Variants in IQCM observed in about 807,000 individuals in gnomAD.
The protein encoded by IQCM is IQ motif containing M.
Under a neutral mutation model 57.6 loss-of-function variants are expected in IQCM, and 45 were observed. That is an observed-to-expected ratio of 0.78 (90% CI 0.62 to 1.00). The LOEUF is 1.00. Ranked by LOEUF, IQCM falls within the 50% of genes least tolerant of loss-of-function variation. IQCM has a pLI of 0.00. For synonymous variants in IQCM, 148 were observed against 158.9 expected (o/e 0.93, Z 0.51); for missense variants, 468 against 511.6 (o/e 0.91, Z 0.82).
intron 8 of IQCM, among the ~76,000 whole-genome samples, chr4:149,608,553 C>T (rs1754996135): frequency 6.6e-6 from 1 of 151,708 alleles, no homozygotes; most frequent in Non-Finnish European, 1.5e-5. Flanking sequence ...ACATTGAAAT[C>T]ATATGAAGTA....
intron 13 of IQCM, among the ~76,000 whole-genome samples, chr4:149,422,070 T>A (rs1416027028): frequency 1.3e-5 from 2 of 151,820 alleles, no homozygotes; most frequent in Admixed American, 6.6e-5. Flanking sequence ...GAAAACATCT[T>A]CACTTCACTA....
intron 13 of IQCM, among the ~76,000 whole-genome samples, chr4:149,363,000 C>A (rs1220447774): frequency 2.0e-5 from 3 of 152,326 alleles, no homozygotes; most frequent in Admixed American, 6.5e-5. Context: ...CCACTCTCTT[C>A]TTCCTCACCT....
intron 13 of IQCM, among the ~76,000 whole-genome samples, chr4:149,357,560 T>C (rs1578777912): frequency 6.6e-6 from 1 of 152,222 alleles, no homozygotes; most frequent in East Asian, 1.9e-4. Flanking sequence ...TTGATTTTCA[T>C]GTGTTGAACC....
At chr4:149,554,157 G>A (rs1169667161) in intron 10 of IQCM, among the ~76,000 whole-genome samples, 1 of 152,024 alleles carries the variant, frequency 6.6e-6, no homozygotes, top group Non-Finnish European at 1.5e-5. Flanking sequence ...TTTTCGCTGA[G>A]TTGGCTTTCC....
chr4:149,592,537 C>T (rs1753301485), intron 8 of IQCM, among the ~76,000 whole-genome samples: 1 of 151,882 alleles, frequency 6.6e-6, no homozygotes, highest in Admixed American at 6.6e-5. Context: ...TTGCCCATGC[C>T]TATGTCCTGA....
chr4:149,708,231 T>C (rs1421150463), intron 5 of IQCM, among the ~76,000 whole-genome samples: 2 of 152,042 alleles, frequency 1.3e-5, no homozygotes, highest in Non-Finnish European at 2.9e-5. Context: ...AGCAAGTTAT[T>C]GTAATGTTAT....
At chr4:149,676,208 AG>A (rs1761736499) in intron 7 of IQCM, among the ~76,000 whole-genome samples, 1 of 152,028 alleles carries the variant, frequency 6.6e-6, no homozygotes, top group Non-Finnish European at 1.5e-5. Context: ...CAGTGACAAT[AG>A]CAAAAATAGC....
At position 149,815,342 on chromosome 4, in the gene IQCM, C is replaced by G. The variant is rs2150075467; in HGVS notation, c.-80G>C. The G allele has an allele frequency of 6.6e-6, 1 of 151,998 alleles. No individual in the cohort carries two copies. Among genetic ancestry groups the G allele is most frequent in the African/African-American group, 2.4e-5 (1 of 41,520 alleles). The allele number at this position is 151,998 out of a possible 1,614,324, so 9.4% of individuals were successfully genotyped here. On this transcript the variant is annotated 5_prime_UTR_variant, in exon 2 of 14. Coordinates refer to ENST00000636793, the MANE Select transcript of IQCM (RefSeq NM_001363507.2). Reference sequence around the variant, plus strand: ...GTTTTTCATTCCAAGGTCATTTGTTCTTCTTCCTAGAAGGCACAGGAGAGT... The same window carrying G: ...GTTTTTCATTCCAAGGTCATTTGTTGTTCTTCCTAGAAGGCACAGGAGAGT...
chr4:149,758,088 C>A (rs1444817380), intron 2 of IQCM, among the ~76,000 whole-genome samples: 2 of 152,052 alleles, frequency 1.3e-5, no homozygotes, highest in African/African-American at 2.4e-5. Context: ...ATAAGTGGAA[C>A]AGAATGGATA....
chr4:149,569,767 G>A (rs533748998), intron 9 of IQCM, among the ~76,000 whole-genome samples: 10 of 151,918 alleles, frequency 6.6e-5, no homozygotes, highest in Non-Finnish European at 7.4e-5. Context: ...GAACTGATTC[G>A]GGATTTCAGG....
chr4:149,559,442 T>C (rs573328656), intron 10 of IQCM, among the ~76,000 whole-genome samples: 33 of 152,290 alleles, frequency 2.2e-4, no homozygotes, highest in South Asian at 4.1e-4. Context: ...CTCATTGATA[T>C]TGTCTTTCCT....
At chr4:149,601,367 T>G (rs1754277691) in intron 8 of IQCM, among the ~76,000 whole-genome samples, 1 of 152,150 alleles carries the variant, frequency 6.6e-6, no homozygotes, top group Non-Finnish European at 1.5e-5. Context: ...GTAGGTAAAC[T>G]TAAACAATGA....
At position 149,404,680 on chromosome 4, in the gene IQCM, C is replaced by T. The variant is rs1732855031; in HGVS notation, c.1390+28716G>A. Among the ~76,000 whole-genome samples, 3 of 151,844 alleles carry T rather than the reference C, an allele frequency of 2.0e-5. No individual in the cohort carries two copies. The South Asian group carries it at 6.2e-4, about 32-fold the overall frequency. On this transcript the variant is annotated intron_variant, in intron 13 of 13. Coordinates refer to ENST00000636793, the MANE Select transcript of IQCM (RefSeq NM_001363507.2). ...TAAATCAGATATGGAACAAAAAGTA[C>T]AGTTAGTGACCATAGATAGGACAGC...
chr4:149,617,506 A>G (rs2150066371), intron 8 of IQCM, among the ~76,000 whole-genome samples: 1 of 152,298 alleles, frequency 6.6e-6, no homozygotes, highest in African/African-American at 2.4e-5. Context: ...CAAGGGTAAG[A>G]TATAAACCTT....
chr4:149,702,613 T>G (rs1269387571), intron 5 of IQCM, among the ~76,000 whole-genome samples: 1 of 151,860 alleles, frequency 6.6e-6, no homozygotes, highest in Non-Finnish European at 1.5e-5. Flanking sequence ...AAATAGAAAC[T>G]GAGACCCACT....
At chr4:149,505,910 A>C (rs1743765698) in intron 12 of IQCM, among the ~76,000 whole-genome samples, 1 of 152,244 alleles carries the variant, frequency 6.6e-6, no homozygotes, top group Non-Finnish European at 1.5e-5. Context: ...CGTAAGCAGA[A>C]GATGATGAGT....
At chr4:149,791,346 A>T (rs1299853697) in intron 2 of IQCM, among the ~76,000 whole-genome samples, 1 of 152,196 alleles carries the variant, frequency 6.6e-6, no homozygotes, top group African/African-American at 2.4e-5. Context: ...ATATTTTGAT[A>T]TAAGCATATG....
chr4:149,671,979 A>G (rs1224989377), intron 7 of IQCM, among the ~76,000 whole-genome samples: 1 of 152,152 alleles, frequency 6.6e-6, no homozygotes, highest in Non-Finnish European at 1.5e-5. Flanking sequence ...TTGCTGTTCT[A>G]CACCTCCGCT....
At chr4:149,524,524 A>G (rs897523721) in intron 12 of IQCM, among the ~76,000 whole-genome samples, 1 of 152,176 alleles carries the variant, frequency 6.6e-6, no homozygotes, top group East Asian at 1.9e-4. Flanking sequence ...CACCAAAAAA[A>G]TTAGGAGAAC....
Sources: gnomAD v4.1 joint callset for allele counts (sites outside exome capture counted in the v4.1 genomes callset) on GRCh38, gnomAD v4.1.1 for gene constraint, MANE v1.5 for transcripts, NCBI Gene and HGNC (gene_info 2026-07-23, HGNC 2026-07-21) for gene names.